MZT1: variants seen among roughly 807,000 people sequenced by gnomAD.
MZT1 encodes the protein mitotic spindle organizing protein 1.
MZT1 carries 8 observed loss-of-function variants against 8.5 expected under a neutral mutation model. The observed-to-expected ratio is 0.94, with a 90% CI of 0.55 to 1.70. The LOEUF (loss-of-function observed/expected upper bound fraction) is 1.70, where lower values mean the gene tolerates loss of function less well. Ranked by LOEUF, MZT1 falls within the 40% of genes most tolerant of loss-of-function variation. The pLI, the probability that MZT1 is intolerant of heterozygous loss-of-function variation, is 0.00. For synonymous variants in MZT1, 38 were observed against 42.0 expected (o/e 0.90, Z 0.37); for missense variants, 93 against 108.6 (o/e 0.86, Z 0.64).
At chr13:72,726,754 A>AAC (rs1357839009) in intron 1 of MZT1, among the ~76,000 whole-genome samples, 1 of 151,304 alleles carries the variant, frequency 6.6e-6, no homozygotes, top group Non-Finnish European at 1.5e-5. Flanking sequence ...GAAAAAAAAA[A>AAC]AAAAAAAACT....
intron 1 of MZT1, among the ~76,000 whole-genome samples, chr13:72,721,157 T>A (rs1269221262): frequency 6.6e-6 from 1 of 152,182 alleles, no homozygotes; most frequent in Non-Finnish European, 1.5e-5. Flanking sequence ...CCGGATAGTT[T>A]TGTATTTCTA....
chr13:72,725,028 T>G (rs1401725240), intron 1 of MZT1, among the ~76,000 whole-genome samples: 1 of 145,870 alleles, frequency 6.9e-6, no homozygotes, highest in African/African-American at 2.6e-5. Flanking sequence ...GTCGCGCCAC[T>G]GCACTCCAGC....
At position 72,709,582 on chromosome 13, in the gene MZT1, G is replaced by C. The variant is rs1454699906; in HGVS notation, c.*740C>G. On this transcript the variant is annotated 3_prime_UTR_variant, in exon 3 of 3. Coordinates refer to ENST00000377818, the MANE Select transcript of MZT1 (RefSeq NM_001071775.3). The stretch of plus-strand genomic sequence containing the variant: ...ACATTCTCAACTAACATTCTCATTA[G>C]ATGTAAATGATTCAAATTACAAATA... The C allele has an allele frequency of 6.6e-6, 1 of 151,936 alleles. No homozygotes were observed. Among genetic ancestry groups the C allele is most frequent in the African/African-American group, 2.4e-5 (1 of 41,406 alleles). 9.4% of individuals were successfully genotyped at this position (151,936 alleles called of 1,614,324 possible). A position where few individuals can be genotyped will look rare whatever the true frequency, so the allele number is the denominator to read the frequency against.
Position 72,727,585 on chromosome 13 carries a change from A to ACCG in MZT1, c.15_17dup (p.Gly6dup). The ACCG allele has an allele frequency of 6.3e-7, 1 of 1,591,984 alleles. No individual in the cohort carries two copies. The highest frequency in any genetic ancestry group is 2.3e-5 in the East Asian group (1 of 44,288). ...CCGCGGCCGCCGCCGCCGCCCCAGC[A>ACCG]CCGCTGCTACTCGCCATGGCTAAGG... is the stretch of plus-strand genomic sequence containing the variant. On this transcript the variant is annotated inframe_insertion, in exon 1 of 3. Coordinates refer to ENST00000377818, the MANE Select transcript of MZT1 (RefSeq NM_001071775.3).
At chr13:72,717,414 A>T (rs976569978) in intron 2 of MZT1, among the ~76,000 whole-genome samples, 75 of 146,978 alleles carry the variant, frequency 5.1e-4, no homozygotes, top group Non-Finnish European at 5.9e-4. Flanking sequence ...ATCTTGGCTC[A>T]CTGCAACCTC....
chr13:72,715,709 G>T (rs1330324801), intron 2 of MZT1, among the ~76,000 whole-genome samples: 1 of 151,986 alleles, frequency 6.6e-6, no homozygotes, highest in Non-Finnish European at 1.5e-5. Flanking sequence ...AAGAGTTATG[G>T]TTACATAAAA....
Position 72,709,274 on chromosome 13 carries a change from T to C in MZT1, c.*1048A>G, listed in dbSNP as rs2032464018. On this transcript the variant is annotated 3_prime_UTR_variant, in exon 3 of 3. Transcript: ENST00000377818. Reference sequence around the variant, plus strand: ...TTTGTTTAATGACTGGAAATCCTTATTTCTTCAAAAAATAGCAAGTATCCT... The same window carrying C: ...TTTGTTTAATGACTGGAAATCCTTACTTCTTCAAAAAATAGCAAGTATCCT... 6.6e-6 allele frequency: 1 copy of C among 151,872 alleles called. No individual in the cohort carries two copies. Among genetic ancestry groups the C allele is most frequent in the Non-Finnish European group, 1.5e-5 (1 of 67,884 alleles). The allele number at this position is 151,872 out of a possible 1,614,324, so 9.4% of individuals were successfully genotyped here. A position where few individuals can be genotyped will look rare whatever the true frequency, so the allele number is the denominator to read the frequency against.
intron 2 of MZT1, among the ~76,000 whole-genome samples, chr13:72,711,765 T>C (rs1442762429): frequency 6.6e-6 from 1 of 151,344 alleles, no homozygotes; most frequent in Non-Finnish European, 1.5e-5. Flanking sequence ...GAGAAGAACC[T>C]TATGCTTGTA....
In MZT1 at chr13:72,709,862, GC is replaced by G. The variant is rs918882019; in HGVS notation, c.*459del. 1.2e-4 allele frequency: 18 copies of G among 152,532 alleles called. No homozygotes were observed. 9.4% of individuals were successfully genotyped at this position (152,532 alleles called of 1,614,324 possible). ...GTGGCTGAAATCCTGTCAACTTTCA[GC>G]CCAATACAATATAAATCCACAGTTA... is the stretch of plus-strand genomic sequence containing the variant. On this transcript the variant is annotated 3_prime_UTR_variant, in exon 3 of 3. Coordinates refer to ENST00000377818, the MANE Select transcript of MZT1 (RefSeq NM_001071775.3).
chr13:72,710,939 G>C (rs2032483262), intron 2 of MZT1, among the ~76,000 whole-genome samples: 1 of 152,054 alleles, frequency 6.6e-6, no homozygotes, highest in African/African-American at 2.4e-5. Flanking sequence ...AATATAAAAA[G>C]ATATAATTTT....
intron 1 of MZT1, among the ~76,000 whole-genome samples, chr13:72,727,266 C>A (rs2032680600): frequency 6.6e-6 from 1 of 152,154 alleles, no homozygotes; most frequent in Admixed American, 6.5e-5. Context: ...GCGGCATTCG[C>A]GCGAGAGGGA....
At chr13:72,715,894 A>C (rs2032530590) in intron 2 of MZT1, among the ~76,000 whole-genome samples, 2 of 151,862 alleles carry the variant, frequency 1.3e-5, no homozygotes, top group African/African-American at 4.8e-5. Flanking sequence ...TTTTCTTTAC[A>C]AATTATCTGG....
At chr13:72,725,774 G>A (rs1220266050) in intron 1 of MZT1, among the ~76,000 whole-genome samples, 2 of 151,908 alleles carry the variant, frequency 1.3e-5, no homozygotes, top group Non-Finnish European at 2.9e-5. Flanking sequence ...TGTTCAAATG[G>A]GATCCTGTGG....
At chr13:72,722,851 T>A (rs927498963) in intron 1 of MZT1, among the ~76,000 whole-genome samples, 1 of 152,226 alleles carries the variant, frequency 6.6e-6, no homozygotes, top group Non-Finnish European at 1.5e-5. Context: ...CTGATAATTA[T>A]ATTTTCTTAC....
At chr13:72,712,681 A>C (rs1159332325) in intron 2 of MZT1, among the ~76,000 whole-genome samples, 1 of 152,188 alleles carries the variant, frequency 6.6e-6, no homozygotes, top group Non-Finnish European at 1.5e-5. Flanking sequence ...TTAAATTGGC[A>C]TTTCTGAACT....
chr13:72,724,806 C>G (rs2032630036), intron 1 of MZT1, among the ~76,000 whole-genome samples: 1 of 139,200 alleles, frequency 7.2e-6, no homozygotes, highest in Non-Finnish European at 1.6e-5. Context: ...AATCCCAGCA[C>G]TTTGGGAGGC....
At chr13:72,726,275 C>T (rs2032655288) in intron 1 of MZT1, among the ~76,000 whole-genome samples, 2 of 152,144 alleles carry the variant, frequency 1.3e-5, no homozygotes, top group South Asian at 4.2e-4. Context: ...ACTAAAAATA[C>T]AAAAAATTAG....
intron 1 of MZT1, among the ~76,000 whole-genome samples, chr13:72,725,238 C>T (rs2032636981): frequency 1.3e-5 from 2 of 151,796 alleles, no homozygotes; most frequent in Non-Finnish European, 2.9e-5. Context: ...CAGTGGGTTG[C>T]GAGGGGGGTG....
chr13:72,708,508 A>C lies in MZT1; in HGVS notation c.*1814T>G, dbSNP rs1191670132. 6.6e-6 allele frequency: 1 copy of C among 152,608 alleles called. No individual in the cohort carries two copies. Among genetic ancestry groups the C allele is most frequent in the African/African-American group, 2.4e-5 (1 of 41,450 alleles). The allele number at this position is 152,608 out of a possible 1,614,324, so 9.5% of individuals were successfully genotyped here. On this transcript the variant is annotated 3_prime_UTR_variant, in exon 3 of 3. Coordinates refer to ENST00000377818, the MANE Select transcript of MZT1 (RefSeq NM_001071775.3). The stretch of plus-strand genomic sequence containing the variant: ...TTTTAAAAATGTGACACTTTAAAGA[A>C]GTCCTCTGTAAACACGATCCCTTCT...
Sources: gnomAD v4.1 joint callset for allele counts (sites outside exome capture counted in the v4.1 genomes callset) on GRCh38, gnomAD v4.1.1 for gene constraint, MANE v1.5 for transcripts, NCBI Gene and HGNC (gene_info 2026-07-23, HGNC 2026-07-21) for gene names.